Variants in FREM1 observed in about 807,000 individuals in gnomAD.
FREM1 encodes the protein FRAS1 related extracellular matrix 1, also known as FRAS1-related extracellular matrix protein 1.
A neutral mutation model predicts 210.1 loss-of-function variants in FREM1; 220 were observed. That is an observed-to-expected ratio of 1.05 (90% CI 0.94 to 1.17). The LOEUF is 1.17. Ranked by LOEUF, FREM1 falls within the 50% of genes most tolerant of loss-of-function variation. FREM1 has a pLI of 0.00. For synonymous variants in FREM1, 1,189 were observed against 980.2 expected (o/e 1.21, Z -3.98); for missense variants, 3,454 against 2,675.5 (o/e 1.29, Z -6.42).
chr9:14,890,293 T>C (rs1225686544), intron 1 of FREM1, among the ~76,000 whole-genome samples: 1 of 152,210 alleles, frequency 6.6e-6, no homozygotes, highest in African/African-American at 2.4e-5. Context: ...CTTCCTTAGA[T>C]TTCCAATAGC....
At chr9:14,751,957 C>T (rs7041627) in intron 29 of FREM1, 36,057 of 149,828 alleles carry the variant, frequency 0.24, 4,571 homozygotes, top group African/African-American at 0.31. Flanking sequence ...AGTTTTTAAA[C>T]CAATTACGTT....
chr9:14,793,853 T>C (rs981882123), intron 21 of FREM1, among the ~76,000 whole-genome samples: 1 of 152,188 alleles, frequency 6.6e-6, no homozygotes, highest in Non-Finnish European at 1.5e-5. Flanking sequence ...GGTGAGTATC[T>C]TGCTACCCAG....
chr9:14,860,575 A>ATGTGTG (rs1434737140), intron 3 of FREM1, among the ~76,000 whole-genome samples: 1 of 133,032 alleles, frequency 7.5e-6, no homozygotes, highest in African/African-American at 3.5e-5. Context: ...ATATACACAT[A>ATGTGTG]TATATACACA....
intron 10 of FREM1, among the ~76,000 whole-genome samples, chr9:14,834,070 G>C (rs986771688): frequency 5.3e-5 from 8 of 152,202 alleles, no homozygotes; most frequent in Admixed American, 5.2e-4. Context: ...GGGAGTATCA[G>C]AAATTACTTC....
At chr9:14,787,128 G>T (rs1457989575) in intron 23 of FREM1, among the ~76,000 whole-genome samples, 2 of 152,150 alleles carry the variant, frequency 1.3e-5, no homozygotes, top group African/African-American at 4.8e-5. Flanking sequence ...ATTTATAATA[G>T]CTCCCAAATG....
chr9:14,834,588 A>G (rs1824189853), intron 10 of FREM1, among the ~76,000 whole-genome samples: 2 of 152,142 alleles, frequency 1.3e-5, no homozygotes, highest in Admixed American at 1.3e-4. Flanking sequence ...TTGAGTCATC[A>G]TTTTGGCAAA....
At chr9:14,908,599 T>C (rs1409785216) in intron 1 of FREM1, among the ~76,000 whole-genome samples, 1 of 152,020 alleles carries the variant, frequency 6.6e-6, no homozygotes, top group Non-Finnish European at 1.5e-5. Context: ...AAAGCCCTGG[T>C]TTGCCAGCCA....
intron 1 of FREM1, among the ~76,000 whole-genome samples, chr9:14,885,982 A>C (rs1340868481): frequency 6.6e-6 from 1 of 151,878 alleles, no homozygotes; most frequent in Admixed American, 6.6e-5. Flanking sequence ...TTTGATCAGC[A>C]CCTCCCCAGT....
rs547402657 is a variant in FREM1 at position 14,864,044 on chromosome 9, C to T, written c.235-141G>A. On this transcript the variant is annotated intron_variant, in intron 2 of 36. Transcript: ENST00000380880. ...GTGTGAGTGTGTGTGTCTTCACCAC[C>T]ACCACCTCTACCCTACCCCCATACC... The T allele has an allele frequency of 7.7e-5, 49 of 633,810 alleles. 1 individual carries two copies. The highest frequency in any genetic ancestry group is 6.7e-4 in the South Asian group (36 of 53,840). 39.3% of individuals were successfully genotyped at this position (633,810 alleles called of 1,614,324 possible).
At chr9:14,752,877 C>CA (rs1217633178) in intron 29 of FREM1, among the ~76,000 whole-genome samples, 1 of 151,670 alleles carries the variant, frequency 6.6e-6, no homozygotes, top group African/African-American at 2.4e-5. Flanking sequence ...AAACAAAAAA[C>CA]AAAAAACTTA....
chr9:14,760,001 T>A (rs1845197323), intron 27 of FREM1, 100 bp from the exon 28 acceptor site: 2 of 822,720 alleles, frequency 2.4e-6, no homozygotes, highest in Admixed American at 5.5e-5. Flanking sequence ...TTGATCAACC[T>A]ACACCAGTGA....
chr9:14,737,818 T>C (rs193060541), intron 36 of FREM1, among the ~76,000 whole-genome samples: 53 of 152,288 alleles, frequency 3.5e-4, no homozygotes, highest in African/African-American at 1.1e-3. Context: ...TTGGGCAGGT[T>C]ACTTAACCTC....
chr9:14,804,529 G>A (rs1817996577), intron 19 of FREM1, among the ~76,000 whole-genome samples: 1 of 152,202 alleles, frequency 6.6e-6, no homozygotes, highest in African/African-American at 2.4e-5. Context: ...AGCTTGCAGT[G>A]AGCCGAGGTC....
intron 29 of FREM1, among the ~76,000 whole-genome samples, chr9:14,755,046 C>T (rs1357669905): frequency 2.0e-5 from 3 of 152,154 alleles, no homozygotes; most frequent in African/African-American, 7.2e-5. Flanking sequence ...AGAATGCCAA[C>T]GTTTGCCACC....
At chr9:14,762,223 G>T (rs997794323) in intron 27 of FREM1, among the ~76,000 whole-genome samples, 3 of 152,186 alleles carry the variant, frequency 2.0e-5, no homozygotes, top group African/African-American at 7.2e-5. Flanking sequence ...TGGATTAGGG[G>T]AAAAGAGAGA....
intron 28 of FREM1, among the ~76,000 whole-genome samples, chr9:14,759,456 G>C (rs1221956156): frequency 6.6e-6 from 1 of 150,512 alleles, no homozygotes; most frequent in Non-Finnish European, 1.5e-5. Flanking sequence ...GTTGCTGTGA[G>C]CCGAGATTGT....
At chr9:14,882,927 A>AAAAAAAAAAAAAAAAAAAAG (rs1835065301) in intron 1 of FREM1, among the ~76,000 whole-genome samples, 5 of 150,154 alleles carry the variant, frequency 3.3e-5, no homozygotes, top group African/African-American at 1.2e-4. Context: ...AAAAAAAAAA[A>AAAAAAAAAAAAAAAAAAAAG]AGGAATCACC....
intron 10 of FREM1, among the ~76,000 whole-genome samples, chr9:14,827,623 A>G (rs1429765840): frequency 6.6e-6 from 1 of 152,220 alleles, no homozygotes. Context: ...CCAAGTGCCT[A>G]TATGATAGAG....
chr9:14,873,328 T>C (rs900871139), intron 1 of FREM1, among the ~76,000 whole-genome samples: 1 of 152,204 alleles, frequency 6.6e-6, no homozygotes, highest in African/African-American at 2.4e-5. Context: ...AAGCTATTGA[T>C]TATTGCCACA....
Sources: gnomAD v4.1 joint callset for allele counts (sites outside exome capture counted in the v4.1 genomes callset) on GRCh38, gnomAD v4.1.1 for gene constraint, MANE v1.5 for transcripts, NCBI Gene and HGNC (gene_info 2026-07-23, HGNC 2026-07-21) for gene names.